Variants in SETBP1 observed in about 807,000 individuals in gnomAD.
SETBP1 encodes SET-binding protein.
A neutral mutation model predicts 101.0 loss-of-function variants in SETBP1; 9 were observed. That is an observed-to-expected ratio of 0.09 (90% CI 0.05 to 0.16). The LOEUF (loss-of-function observed/expected upper bound fraction) is 0.16, where lower values mean the gene tolerates loss of function less well. SETBP1 is among the 10% of genes least tolerant of loss of function. SETBP1 has a pLI of 1.00. For missense variants in SETBP1, 1,858 were observed against 2,033.8 expected, an observed-to-expected ratio of 0.91 and a Z score of 1.66; for synonymous variants, 818 against 788.5, an observed-to-expected ratio of 1.04 and a Z score of -0.63.
intron 2 of SETBP1, among the ~76,000 whole-genome samples, chr18:44,821,251 A>G (rs1005904480): frequency 6.6e-6 from 1 of 152,190 alleles, no homozygotes; most frequent in African/African-American, 2.4e-5. Flanking sequence ...AACAGGCCCT[A>G]CTGGCTCCCT....
intron 3 of SETBP1, among the ~76,000 whole-genome samples, chr18:44,912,785 G>A (rs893591588): frequency 6.6e-6 from 1 of 152,180 alleles, no homozygotes; most frequent in African/African-American, 2.4e-5. Flanking sequence ...GCACCATCGT[G>A]TACACAAGCA....
intron 4 of SETBP1, among the ~76,000 whole-genome samples, chr18:45,018,850 C>T (rs1431279255): frequency 6.6e-6 from 1 of 152,182 alleles, no homozygotes; most frequent in African/African-American, 2.4e-5. Context: ...TAGGCTCATG[C>T]TCCCTGCAAG....
Position 44,951,453 on chromosome 18 carries a change from A to G in SETBP1, c.2113A>G (p.Ile705Val). ...PPETSPGAAA[I>V]ESKLGKQINV... ...AGAGACCAGCCCTGGGGCAGCAGCC[A>G]TTGAAAGCAAACTGGGCAAGCAGAT... The change falls in exon 4 of 6, where the codon ATT (isoleucine) becomes GTT (valine). Residue 705 changes from isoleucine (I) to valine (V), a missense_variant. Transcript: ENST00000649279. The surrounding 1 kb of genome is among the most constrained non-coding windows in gnomAD (Gnocchi z 7.8). 2.5e-6 allele frequency: 4 copies of G among 1,614,152 alleles called. No homozygotes were observed. The highest frequency in any genetic ancestry group is 3.4e-6 in the Non-Finnish European group (4 of 1,180,016).
intron 3 of SETBP1, chr18:44,870,378 A>C (rs2144686493): frequency 6.6e-6 from 1 of 152,326 alleles, no homozygotes; most frequent in Admixed American, 6.5e-5. Flanking sequence ...GGAACAGGTG[A>C]CAGTGGGAGG....
chr18:44,912,482 GT>G (rs1319239752), intron 3 of SETBP1, among the ~76,000 whole-genome samples: 3 of 151,574 alleles, frequency 2.0e-5, no homozygotes, highest in Non-Finnish European at 2.9e-5. Flanking sequence ...GAAACTTTTT[GT>G]TTTTTTTGTT....
At chr18:44,903,429 A>T (rs980664571) in intron 3 of SETBP1, among the ~76,000 whole-genome samples, 1 of 152,160 alleles carries the variant, frequency 6.6e-6, no homozygotes, top group African/African-American at 2.4e-5. Flanking sequence ...TTATCAGCCA[A>T]CTAAGTAAGA....
chr18:44,844,276 T>C (rs1380315564), intron 2 of SETBP1, among the ~76,000 whole-genome samples: 2 of 152,048 alleles, frequency 1.3e-5, no homozygotes, highest in East Asian at 3.9e-4. Context: ...TAACTCCTCC[T>C]TCTCTCTCCT....
intron 3 of SETBP1, among the ~76,000 whole-genome samples, chr18:44,938,002 GT>G (rs1037266612): frequency 6.6e-6 from 1 of 152,146 alleles, no homozygotes; most frequent in African/African-American, 2.4e-5. Flanking sequence ...TCCAGATATT[GT>G]TTCGTCCTCA....
chr18:44,742,970 TC>T (rs958072428), intron 2 of SETBP1, among the ~76,000 whole-genome samples: 2 of 114,568 alleles, frequency 1.7e-5, no homozygotes, highest in Non-Finnish European at 4.0e-5. Context: ...TCTCTCTCTC[TC>T]CCCCCCTGTC....
chr18:44,910,647 C>T (rs599512), intron 3 of SETBP1, among the ~76,000 whole-genome samples: 151,627 of 152,308 alleles, frequency 1, 75,477 homozygotes, highest in East Asian at 1. Context: ...CAACCCTTTT[C>T]TTCCCCCAGA....
At chr18:44,798,211 T>G (rs1238447509) in intron 2 of SETBP1, among the ~76,000 whole-genome samples, 1 of 152,146 alleles carries the variant, frequency 6.6e-6, no homozygotes, top group Non-Finnish European at 1.5e-5. Flanking sequence ...AATAACATAA[T>G]GTTGAGAACA....
At chr18:45,020,031 AT>A in intron 4 of SETBP1, among the ~76,000 whole-genome samples, 1 of 152,152 alleles carries the variant, frequency 6.6e-6, no homozygotes, top group Middle Eastern at 3.4e-3. Flanking sequence ...TATATAAAAT[AT>A]GGTTGGTATT....
At chr18:44,771,675 C>T (rs570894428) in intron 2 of SETBP1, among the ~76,000 whole-genome samples, 16 of 152,232 alleles carry the variant, frequency 1.1e-4, no homozygotes, top group South Asian at 6.2e-4. Context: ...AGAGGGACCA[C>T]GTTATGCCTG....
intron 2 of SETBP1, among the ~76,000 whole-genome samples, chr18:44,743,956 T>C (rs2070158783): frequency 6.6e-6 from 1 of 152,212 alleles, no homozygotes; most frequent in Admixed American, 6.5e-5. Flanking sequence ...CTGCCAAGAA[T>C]GTCAAATTTA....
chr18:44,888,744 T>G lies in SETBP1; in HGVS notation c.540+19461T>G, dbSNP rs77649410. 5.2e-4 allele frequency among the ~76,000 whole-genome samples: 79 copies of G among 152,180 alleles called. No individual in the cohort carries two copies. The East Asian group carries it at 0.015, about 28-fold the overall frequency. ...ACCCAGGGGTTTAGAGAATGGGAAC[T>G]GATTGCTAGTAAATTGGAGGTGCAA... On this transcript the variant is annotated intron_variant, in intron 3 of 5. Coordinates refer to ENST00000649279, the MANE Select transcript of SETBP1 (RefSeq NM_015559.3).
intron 2 of SETBP1, among the ~76,000 whole-genome samples, chr18:44,713,051 C>T (rs916934355): frequency 1.3e-5 from 2 of 149,618 alleles, no homozygotes; most frequent in African/African-American, 2.5e-5. Context: ...CTCCGCCTAC[C>T]GGGTTCAGGC....
chr18:45,026,313 C>T (rs944709955), intron 4 of SETBP1, among the ~76,000 whole-genome samples: 22 of 152,132 alleles, frequency 1.4e-4, no homozygotes, highest in African/African-American at 5.3e-4. Flanking sequence ...AACCTTTGAG[C>T]ACCAAGCCAG....
In SETBP1 at chr18:44,952,063, A is replaced by G; in HGVS notation, c.2723A>G (p.Asp908Gly). The G allele has an allele frequency of 6.2e-7, 1 of 1,614,104 alleles. No homozygotes were observed. The highest frequency in any genetic ancestry group is 8.5e-7 in the Non-Finnish European group (1 of 1,180,034). ...GACAACCCGGAGGCCATTCCGTCCG[A>G]CACCAGCACAAAGAACCGGCATGGC... ...SLDNPEAIPS[D>G]TSTKNRHGHR... The change falls in exon 4 of 6, where the codon GAC (aspartate) becomes GGC (glycine). Residue 908 changes from aspartate to glycine, a missense_variant. Asp to Gly is a moderately conservative substitution (Grantham distance 94). Transcript: ENST00000649279.
intron 2 of SETBP1, among the ~76,000 whole-genome samples, chr18:44,845,062 A>G (rs1184453293): frequency 6.6e-6 from 1 of 152,214 alleles, no homozygotes; most frequent in African/African-American, 2.4e-5. Context: ...GTGACACAAA[A>G]GAGTGATATG....
Sources: gnomAD v4.1 joint callset for allele counts (sites outside exome capture counted in the v4.1 genomes callset) on GRCh38, gnomAD v4.1.1 for gene constraint, Gnocchi (gnomAD v3.1) non-coding constraint, MANE v1.5 for transcripts, NCBI Gene and HGNC (gene_info 2026-07-23, HGNC 2026-07-21) for gene names.